Variants in LMNB2 observed in about 807,000 individuals in gnomAD.
LMNB2 encodes lamin B2.
LMNB2 carries 17 observed loss-of-function variants against 69.3 expected under a neutral mutation model. That is an observed-to-expected ratio of 0.25 (90% CI 0.17 to 0.37). The LOEUF is 0.37. Ranked by LOEUF, LMNB2 falls within the 10% of genes least tolerant of loss-of-function variation. LMNB2 has a pLI of 1.00. For missense variants in LMNB2, 789 were observed against 883.6 expected (o/e 0.89, Z 1.36); for synonymous variants, 397 against 389.3 (o/e 1.02, Z -0.23).
rs1169464416 is a variant in LMNB2 at position 2,430,249 on chromosome 19, C to T, written c.*662G>A. On this transcript the variant is annotated 3_prime_UTR_variant, in exon 12 of 12. Transcript: ENST00000325327. Reference sequence around the variant, plus strand: ...CCTGTTGGCCTTGCACAGTCAGGAACTGAACTGCGGGAAAACTCCCCCAAA... The same window carrying T: ...CCTGTTGGCCTTGCACAGTCAGGAATTGAACTGCGGGAAAACTCCCCCAAA... The T allele has an allele frequency of 2.3e-5, 4 of 173,018 alleles. No individual in the cohort carries two copies. The highest frequency in any genetic ancestry group is 5.0e-5 in the Non-Finnish European group (4 of 79,662). 10.7% of individuals were successfully genotyped at this position (173,018 alleles called of 1,614,324 possible).
At chr19:2,431,462 G>T (rs1379011955) in intron 11 of LMNB2, 86 bp downstream of exon 11, 38 of 1,574,226 alleles carry the variant, frequency 2.4e-5, no homozygotes, top group South Asian at 1.8e-4. Context: ...TCGGGGATGC[G>T]GCCAGCACGC....
At chr19:2,435,308 C>T (rs1288914107) in intron 4 of LMNB2, 137 bp from the exon 5 acceptor site, 10 of 1,263,806 alleles carry the variant, frequency 7.9e-6, no homozygotes, top group East Asian at 5.1e-5. Flanking sequence ...AACCGATACA[C>T]GTGCAGGTGA....
At position 2,434,225 on chromosome 19, in the gene LMNB2, C is replaced by T. The variant is rs1439434698; in HGVS notation, c.1202+70G>A. 2.6e-5 allele frequency: 41 copies of T among 1,570,540 alleles called. 1 individual carries two copies. In the South Asian group the frequency reaches 3.7e-4, roughly 14 times the overall value. On this transcript the variant is annotated intron_variant, in intron 7 of 11. Transcript: ENST00000325327. ...CCCTGCCCAGCACTCCCCGCAGCCCCGTCCCGCCTCTCCTCCTGCCCTGCC... is the reference window on the plus strand; with the variant it reads ...CCCTGCCCAGCACTCCCCGCAGCCCTGTCCCGCCTCTCCTCCTGCCCTGCC...
At position 2,434,506 on chromosome 19, in the gene LMNB2, C is replaced by A; in HGVS notation, c.991G>T (p.Ala331Ser). ...TCCAGCTCCCGAATGCGATCTTCAGCGGCACTGGCCTGCGGAGGGGGCGGG... is the reference window on the plus strand; with the variant it reads ...TCCAGCTCCCGAATGCGATCTTCAGAGGCACTGGCCTGCGGAGGGGGCGGG... Reference protein sequence around the residue: ...LSGLQKQASAAEDRIRELEEA... With the variant: ...LSGLQKQASASEDRIRELEEA... The change falls in exon 7 of 12, where the codon GCT (alanine) becomes TCT (serine). Residue 331 changes from alanine to serine, a missense_variant. This residue lies in a region of LMNB2 where 609 missense variants were observed against 630.9 expected (regional missense o/e 0.97). Transcript: ENST00000325327. 5.0e-6 allele frequency: 8 copies of A among 1,612,422 alleles called. No homozygotes were observed. Among genetic ancestry groups the A allele is most frequent in the Non-Finnish European group, 6.8e-6 (8 of 1,179,922 alleles).
At chr19:2,456,614 G>T in intron 1 of LMNB2, 56 bp downstream of exon 1, 2 of 1,357,470 alleles carry the variant, frequency 1.5e-6, no homozygotes, top group South Asian at 1.7e-5. Flanking sequence ...CGCGCCCCGC[G>T]GTGGGCGGGG....
rs116530840 is a variant in LMNB2 at position 2,437,432 on chromosome 19, G to A, written c.684+731C>T. On this transcript the variant is annotated intron_variant, in intron 4 of 11. Transcript: ENST00000325327. ...AGCAGTTAGGATCCCAGGCGGCCAG[G>A]GTTCAGCTCTCAGGGTGGGAACACC... Among the ~76,000 whole-genome samples, 239 of 152,324 alleles carry A rather than the reference G, an allele frequency of 1.6e-3. 1 individual carries two copies. The highest frequency in any genetic ancestry group is 5.3e-3 in the African/African-American group (219 of 41,566).
Position 2,453,363 on chromosome 19 carries a change from G to T in LMNB2, c.264+3307C>A, listed in dbSNP as rs1030900146. ...CCCCATCCTGCCAGCCTGAGCCTGA[G>T]GCTGCTCTCTGAACCCCACGTGGCC... On this transcript the variant is annotated intron_variant, in intron 1 of 11. Transcript: ENST00000325327. The surrounding 1 kb of genome is among the most constrained non-coding windows in gnomAD (Gnocchi z 4.4). Among the ~76,000 whole-genome samples the T allele has an allele frequency of 3.2e-4, 48 of 151,866 alleles. No individual in the cohort carries two copies. The highest frequency in any genetic ancestry group is 5.9e-4 in the Admixed American group (9 of 15,274).
chr19:2,450,117 TACAC>T (rs56178604), intron 1 of LMNB2, among the ~76,000 whole-genome samples: 1 of 145,368 alleles, frequency 6.9e-6, no homozygotes, highest in South Asian at 2.2e-4. Context: ...CATATATATA[TACAC>T]ATATATATAT....
chr19:2,452,662 G>C (rs1205914182), intron 1 of LMNB2, among the ~76,000 whole-genome samples: 1 of 151,706 alleles, frequency 6.6e-6, no homozygotes. Context: ...GGAGGCAGAG[G>C]TTGCAGTCAG....
intron 6 of LMNB2, 107 bp from the exon 7 acceptor site, chr19:2,434,622 C>G: frequency 2.0e-6 from 3 of 1,509,968 alleles, no homozygotes; most frequent in Non-Finnish European, 1.8e-6. Flanking sequence ...GGGGCAGAGA[C>G]CAGGCCTGGG....
At chr19:2,455,058 C>G (rs927518894) in intron 1 of LMNB2, among the ~76,000 whole-genome samples, 1 of 152,048 alleles carries the variant, frequency 6.6e-6, no homozygotes, top group East Asian at 1.9e-4. Flanking sequence ...CCGCTGACAC[C>G]AGGGCACAAA....
chr19:2,438,491 G>A lies in LMNB2; in HGVS notation c.442C>T (p.Arg148Cys), dbSNP rs369668021. Residue 148 changes from arginine to cysteine, a missense_variant, in exon 3 of 12, where the codon CGT becomes TGT. Physicochemically the swap from Arg to Cys is radical, Grantham distance 180. Coordinates refer to ENST00000325327, the MANE Select transcript of LMNB2 (RefSeq NM_032737.4). ...AACAGGGACTCCAGGTCCTTCACAC[G>A]GCCCTGGGCCACCGTAAGCTCGCCC... The part of the protein sequence containing the change: ...REGELTVAQG[R>C]VKDLESLFHR... 37 of 1,610,568 alleles carry A rather than the reference G, an allele frequency of 2.3e-5. No individual in the cohort carries two copies. Among genetic ancestry groups the A allele is most frequent in the Middle Eastern group, 1.9e-4 (1 of 5,346 alleles).
In LMNB2 at chr19:2,428,897, C is replaced by G. The variant is rs1394514437; in HGVS notation, c.*2014G>C. 2 of 152,248 alleles carry G rather than the reference C, an allele frequency of 1.3e-5. No individual in the cohort carries two copies. Among genetic ancestry groups the G allele is most frequent in the Non-Finnish European group, 2.9e-5 (2 of 68,066 alleles). The allele number at this position is 152,248 out of a possible 1,614,324, so 9.4% of individuals were successfully genotyped here. On this transcript the variant is annotated 3_prime_UTR_variant, in exon 12 of 12. Coordinates refer to ENST00000325327, the MANE Select transcript of LMNB2 (RefSeq NM_032737.4). The stretch of plus-strand genomic sequence containing the variant: ...CCCTTCAGCTAAGGGCACCCGCAGT[C>G]CTAGGACCACCCCCAGCTCCACCCA...
intron 1 of LMNB2, among the ~76,000 whole-genome samples, chr19:2,452,430 T>C (rs564005717): frequency 6.8e-5 from 10 of 146,614 alleles, no homozygotes; most frequent in Admixed American, 1.4e-4. Flanking sequence ...AGAGACTCTG[T>C]CTAGAAAAAA....
chr19:2,430,905 G>C lies in LMNB2; in HGVS notation c.*6C>G, dbSNP rs937547847. 1 of 1,571,502 alleles carries C rather than the reference G, an allele frequency of 6.4e-7. No homozygotes were observed. Among genetic ancestry groups the C allele is most frequent in the Non-Finnish European group, 8.8e-7 (1 of 1,141,096 alleles). On this transcript the variant is annotated 3_prime_UTR_variant, in exon 12 of 12. Coordinates refer to ENST00000325327, the MANE Select transcript of LMNB2 (RefSeq NM_032737.4). ...AAAGAAAGGTGTGTGGATGAGGAGT[G>C]TGGGTTCACATCACGTAGCAGCCTC...
chr19:2,431,324 C>T lies in LMNB2; in HGVS notation c.1821+224G>A, dbSNP rs545307116. Among the ~76,000 whole-genome samples, 19 of 152,272 alleles carry T rather than the reference C, an allele frequency of 1.2e-4. No individual in the cohort carries two copies. In the East Asian group the frequency reaches 3.3e-3, roughly 26 times the overall value. On this transcript the variant is annotated intron_variant, in intron 11 of 11. Transcript: ENST00000325327. ...CTCAGGGGACCCCCTGGCCAGCTAC[C>T]CTGAGGTCTGTGATGTCGCAAATTC...
At chr19:2,450,414 A>C (rs114999139) in intron 1 of LMNB2, among the ~76,000 whole-genome samples, 4,855 of 151,260 alleles carry the variant, frequency 0.032, 275 homozygotes, top group African/African-American at 0.11. Context: ...TGTTGCTGGG[A>C]GCAGTGGCTC....
intron 2 of LMNB2, 140 bp downstream of exon 2, chr19:2,444,264 G>A: frequency 1.0e-6 from 1 of 975,434 alleles, no homozygotes; most frequent in Non-Finnish European, 1.6e-6. Flanking sequence ...GCCACTGGTG[G>A]GGGAGAGAGG....
At chr19:2,432,842 G>A (rs897721661) in intron 8 of LMNB2, among the ~76,000 whole-genome samples, 1 of 128,674 alleles carries the variant, frequency 7.8e-6, no homozygotes, top group Admixed American at 7.5e-5. Flanking sequence ...CCATCAGCTG[G>A]GTCACCCCGT....
Sources: allele counts gnomAD v4.1 joint callset (sites outside exome capture counted in the v4.1 genomes callset), GRCh38; gene constraint gnomAD v4.1.1; regional missense constraint gnomAD v4.1.1; non-coding constraint Gnocchi (gnomAD v3.1); transcripts MANE v1.5; gene names NCBI Gene and HGNC (gene_info 2026-07-23, HGNC 2026-07-21).